Variants in OPA3 observed in about 807,000 individuals in gnomAD.
OPA3 encodes outer mitochondrial membrane lipid metabolism regulator OPA3.
In OPA3, 6 loss-of-function variants were observed where a neutral mutation model predicts 4.0. The ratio of observed to expected loss-of-function variants is 1.51; its 90% confidence interval spans 0.83 to 2.99. The LOEUF (loss-of-function observed/expected upper bound fraction) is 2.99, where lower values mean the gene tolerates loss of function less well. Among genes scored for constraint, OPA3 ranks in the 30% most tolerant of loss-of-function variants. The pLI is 0.00. For missense variants in OPA3, 235 were observed against 256.2 expected (o/e 0.92, Z 0.56); for synonymous variants, 105 against 117.1 (o/e 0.90, Z 0.67).
chr19:45,568,608 C>G (rs1969616796), intron 1 of OPA3, among the ~76,000 whole-genome samples: 1 of 152,158 alleles, frequency 6.6e-6, no homozygotes. Context: ...ATTACAGCAA[C>G]CCGAGACTGC....
Position 45,548,018 on chromosome 19 carries a change from G to A in OPA3, c.*5496C>T, listed in dbSNP as rs886054511. 1.2e-4 allele frequency: 79 copies of A among 678,390 alleles called. No homozygotes were observed. Among genetic ancestry groups the A allele is most frequent in the Non-Finnish European group, 1.4e-4 (75 of 549,674 alleles). The allele number at this position is 678,390 out of a possible 1,614,324, so 42.0% of individuals were successfully genotyped here. A position where few individuals can be genotyped will look rare whatever the true frequency, so the allele number is the denominator to read the frequency against. On this transcript the variant is annotated 3_prime_UTR_variant, in exon 2 of 2. Transcript: ENST00000263275. ...GGCCACTCTTTCCTTCTTTATTGCC[G>A]GTCTCTGGCACTAGAATGTCAGCTC...
intron 1 of OPA3, among the ~76,000 whole-genome samples, chr19:45,534,505 G>A (rs1450098404): frequency 7.5e-6 from 1 of 133,126 alleles, no homozygotes; most frequent in East Asian, 2.4e-4. Flanking sequence ...AGGTTGTAGT[G>A]AGCCAAGATC....
At chr19:45,555,285 T>C (rs1235819632) in intron 1 of OPA3, among the ~76,000 whole-genome samples, 1 of 152,132 alleles carries the variant, frequency 6.6e-6, no homozygotes. Context: ...CAAAAGTACA[T>C]GAACAAAAAG....
chr19:45,553,728 C>A lies in OPA3; in HGVS notation c.326G>T (p.Arg109Leu), dbSNP rs1299207601. ...AGCACGCTGCTCCTCCTCCTTGTGG[C>A]GCTGCTGCGCCTGGTGGCGCCAGTA... ...LEYWRHQAQQ[R>L]HKEEEQRAAW... The change falls in exon 2 of 2, where the codon CGC becomes CTC. Residue 109 changes from arginine (R) to leucine (L), a missense_variant. Transcript: ENST00000263275. 6.2e-7 allele frequency: 1 copy of A among 1,610,294 alleles called. No homozygotes were observed. Among genetic ancestry groups the A allele is most frequent in the Admixed American group, 1.7e-5 (1 of 59,872 alleles).
exon 2 of OPA3, chr19:45,529,278 C>A: frequency 1.2e-6 from 2 of 1,614,032 alleles, no homozygotes; most frequent in Non-Finnish European, 1.7e-6. Context: ...TGCGGCGCTG[C>A]TGCAACTGGT....
At position 45,553,884 on chromosome 19, in the gene OPA3, T is replaced by G; in HGVS notation, c.170A>C (p.Lys57Thr). Residue 57 changes from lysine to threonine, a missense_variant, in exon 2 of 2, where the codon AAG (lysine) becomes ACG (threonine). Coordinates refer to ENST00000263275, the MANE Select transcript of OPA3 (RefSeq NM_025136.4). ...QLYHWVEMRT[K>T]MRIMGFRGTV... ...GCCCCGGAAGCCCATGATGCGCATC[T>G]TGGTCCGCATCTCCACCCAGTGATA... 1.9e-6 allele frequency: 3 copies of G among 1,609,768 alleles called. No individual in the cohort carries two copies. Among genetic ancestry groups the G allele is most frequent in the Non-Finnish European group, 2.5e-6 (3 of 1,176,870 alleles).
In OPA3 at chr19:45,552,229, G is replaced by A; in HGVS notation, c.*1285C>T. ...CAGGACCTTTTGTGGGTTTTTTTAAGATGGAGTTTTGCTCGTTACCCAGGC... is the reference window on the plus strand; with the variant it reads ...CAGGACCTTTTGTGGGTTTTTTTAAAATGGAGTTTTGCTCGTTACCCAGGC... On this transcript the variant is annotated 3_prime_UTR_variant, in exon 2 of 2. Coordinates refer to ENST00000263275, the MANE Select transcript of OPA3 (RefSeq NM_025136.4). The A allele has an allele frequency of 2.1e-6, 2 of 954,986 alleles. No individual in the cohort carries two copies. Among genetic ancestry groups the A allele is most frequent in the Non-Finnish European group, 2.5e-6 (2 of 801,834 alleles). The allele number at this position is 954,986 out of a possible 1,614,324, so 59.2% of individuals were successfully genotyped here. A position where few individuals can be genotyped will look rare whatever the true frequency, so the allele number is the denominator to read the frequency against.
At chr19:45,528,981 T>A in exon 2 of OPA3, 1 of 1,510,518 alleles carries the variant, frequency 6.6e-7, no homozygotes, top group Non-Finnish European at 8.9e-7. Flanking sequence ...GATGGGACAG[T>A]GCGGAGAATA....
At chr19:45,553,947 G>A in intron 1 of OPA3, 36 bp from the exon 2 acceptor site, 1 of 1,557,682 alleles carries the variant, frequency 6.4e-7, no homozygotes, top group Non-Finnish European at 8.8e-7. Flanking sequence ...TGCGCTCTGG[G>A]AGCCCCCTGC....
Position 45,553,475 on chromosome 19 carries a change from A to C in OPA3, c.*39T>G. 6.2e-7 allele frequency: 1 copy of C among 1,610,848 alleles called. No homozygotes were observed. The highest frequency in any genetic ancestry group is 8.5e-7 in the Non-Finnish European group (1 of 1,179,956). On this transcript the variant is annotated 3_prime_UTR_variant, in exon 2 of 2. Transcript: ENST00000263275. ...GCGGGAAGAAGGCCACGTTAGGTAC[A>C]TAGGCCATGTCCAAATTCAGGTTCC... is the stretch of plus-strand genomic sequence containing the variant.
intron 1 of OPA3, among the ~76,000 whole-genome samples, chr19:45,571,123 CATTT>C (rs1159127155): frequency 4.0e-5 from 6 of 151,618 alleles, no homozygotes; most frequent in Non-Finnish European, 8.8e-5. Flanking sequence ...TAAATACTTT[CATTT>C]ATTTATTTAT....
chr19:45,546,012 C>CT (rs1380210838), downstream of OPA3, among the ~76,000 whole-genome samples: 1 of 152,040 alleles, frequency 6.6e-6, no homozygotes, highest in Admixed American at 6.6e-5. Flanking sequence ...CCATGCTTTT[C>CT]TTTAAGAAAT....
intron 1 of OPA3, among the ~76,000 whole-genome samples, chr19:45,558,438 A>G (rs1169070496): frequency 6.6e-6 from 1 of 152,190 alleles, no homozygotes; most frequent in Admixed American, 6.5e-5. Flanking sequence ...CTCAAACTAT[A>G]AAATGTAAAG....
intron 1 of OPA3, among the ~76,000 whole-genome samples, chr19:45,570,698 C>T (rs1376278127): frequency 6.9e-6 from 1 of 145,184 alleles, no homozygotes; most frequent in African/African-American, 2.6e-5. Context: ...GGGAAAAAAA[C>T]AAAAACAAAA....
intron 1 of OPA3, among the ~76,000 whole-genome samples, chr19:45,535,761 TC>T (rs1969109216): frequency 9.4e-6 from 1 of 106,302 alleles, no homozygotes. Flanking sequence ...TTTTTTCTTT[TC>T]TTTTTTTTTT....
In OPA3 at chr19:45,553,783, T is replaced by C; in HGVS notation, c.271A>G (p.Ile91Val). ...AELLGEATIF[I>V]VGGGCLVLEY... ...AGCACTAGGCAGCCGCCGCCCACGA[T>C]GAAGATGGTGGCTTCGCCCAGCAGC... Residue 91 changes from isoleucine to valine, a missense_variant, in exon 2 of 2, where the codon ATC becomes GTC. Transcript: ENST00000263275. The C allele has an allele frequency of 6.2e-7, 1 of 1,613,224 alleles. No homozygotes were observed. Among genetic ancestry groups the C allele is most frequent in the Non-Finnish European group, 8.5e-7 (1 of 1,179,884 alleles).
intron 1 of OPA3, among the ~76,000 whole-genome samples, chr19:45,576,068 T>C (rs1342436214): frequency 6.6e-6 from 1 of 150,844 alleles, no homozygotes; most frequent in Non-Finnish European, 1.5e-5. Flanking sequence ...CCCCCGTCTC[T>C]ACTGATAATA....
intron 1 of OPA3, among the ~76,000 whole-genome samples, chr19:45,579,095 C>T (rs1969809065): frequency 6.6e-6 from 1 of 152,162 alleles, no homozygotes; most frequent in Non-Finnish European, 1.5e-5. Flanking sequence ...TTCCCTCCCT[C>T]CTTGGCATAT....
rs371470677 is a variant in OPA3, at chr19:45,530,843, C to G, written c.143-1387G>C. On this transcript the variant is annotated intron_variant, in intron 1 of 1. Transcript: ENST00000323060. Reference sequence around the variant, plus strand: ...GTGGTGTGATCTTGGCTCGCTGCAGCCTCTGCCTCCCAGATTCAAGCCATT... The same window carrying G: ...GTGGTGTGATCTTGGCTCGCTGCAGGCTCTGCCTCCCAGATTCAAGCCATT... Among the ~76,000 whole-genome samples, 3 of 151,164 alleles carry G rather than the reference C, an allele frequency of 2.0e-5. No homozygotes were observed. The East Asian group carries it at 5.8e-4, about 29-fold the overall frequency.
Sources: gnomAD v4.1 joint callset for allele counts (sites outside exome capture counted in the v4.1 genomes callset) on GRCh38, gnomAD v4.1.1 for gene constraint, MANE v1.5 for transcripts, NCBI Gene and HGNC (gene_info 2026-07-23, HGNC 2026-07-21) for gene names.